C8orf88: variants seen among roughly 807,000 people sequenced by gnomAD.
C8orf88 encodes the protein uncharacterized protein C8orf88.
In C8orf88, 14 loss-of-function variants were observed where a neutral mutation model predicts 18.4. The observed-to-expected ratio is 0.76, with a 90% CI of 0.50 to 1.19. C8orf88 has a LOEUF of 1.19. Among genes scored for constraint, C8orf88 ranks in the 50% most tolerant of loss-of-function variants. C8orf88 has a pLI of 0.00. For synonymous variants in C8orf88, 45 were observed against 42.9 expected (o/e 1.05, Z -0.19); for missense variants, 116 against 134.7 (o/e 0.86, Z 0.69).
At chr8:90,959,114 C>T (rs893247429) in intron 5 of C8orf88, 84 bp from the exon 6 acceptor site, 26 of 612,176 alleles carry the variant, frequency 4.2e-5, no homozygotes, top group Non-Finnish European at 6.9e-5. Flanking sequence ...ATACTGTGAA[C>T]GTACCAGGTG....
At chr8:90,967,604 G>A (rs1234117669) in intron 4 of C8orf88, among the ~76,000 whole-genome samples, 1 of 151,560 alleles carries the variant, frequency 6.6e-6, no homozygotes, top group Admixed American at 6.6e-5. Flanking sequence ...CTTGCTATAG[G>A]TTTGTTCAGA....
intron 1 of C8orf88, among the ~76,000 whole-genome samples, chr8:90,982,964 G>T (rs1811454867): frequency 6.6e-6 from 1 of 152,050 alleles, no homozygotes; most frequent in Non-Finnish European, 1.5e-5. Context: ...CTAATTCTCA[G>T]TTTAGTTAAA....
Position 90,960,863 on chromosome 8 carries a change from C to A in C8orf88, c.224-15G>T, listed in dbSNP as rs780029790. On this transcript the variant is annotated splice_polypyrimidine_tract_variant and intron_variant, in intron 4 of 5. Coordinates refer to ENST00000517562, the MANE Select transcript of C8orf88 (RefSeq NM_001190972.2). ...TTTAATTCTCTCTGTAGATATTAAA[C>A]ATCAAATATAATGTTAGGAAATGTA... is the stretch of plus-strand genomic sequence containing the variant. The A allele has an allele frequency of 8.3e-5, 118 of 1,415,060 alleles. No homozygotes were observed. The highest frequency in any genetic ancestry group is 1.1e-4 in the Non-Finnish European group (115 of 1,038,618). 87.7% of individuals were successfully genotyped at this position (1,415,060 alleles called of 1,614,324 possible).
At chr8:90,959,977 C>A (rs896572121) in intron 5 of C8orf88, among the ~76,000 whole-genome samples, 1 of 151,438 alleles carries the variant, frequency 6.6e-6, no homozygotes, top group African/African-American at 2.4e-5. Flanking sequence ...TTAATCCTAA[C>A]AGCCAGAGAT....
chr8:90,969,977 A>G (rs1811260635), intron 4 of C8orf88, among the ~76,000 whole-genome samples: 1 of 151,982 alleles, frequency 6.6e-6, no homozygotes, highest in South Asian at 2.1e-4. Context: ...AAGAACTGAT[A>G]TACTTGAGCA....
Position 90,968,582 on chromosome 8 carries a change from G to A in C8orf88, c.223+2484C>T, listed in dbSNP as rs574278378. 3.5e-4 allele frequency among the ~76,000 whole-genome samples: 51 copies of A among 144,104 alleles called. 1 individual carries two copies. The highest frequency in any genetic ancestry group is 2.6e-3 in the Admixed American group (37 of 14,168). 94.5% of individuals were successfully genotyped at this position (144,104 alleles called of 152,430 possible). A position where few individuals can be genotyped will look rare whatever the true frequency, so the allele number is the denominator to read the frequency against. On this transcript the variant is annotated intron_variant, in intron 4 of 5. Coordinates refer to ENST00000517562, the MANE Select transcript of C8orf88 (RefSeq NM_001190972.2). ...AAAGGAAAAATAGTTAAAATTCATC[G>A]AAGCTAAAAAATTTGTGCATTAAGA...
intron 2 of C8orf88, among the ~76,000 whole-genome samples, chr8:90,979,848 T>C (rs1190861424): frequency 6.6e-6 from 1 of 152,224 alleles, no homozygotes; most frequent in African/African-American, 2.4e-5. Context: ...CATTTTAGAA[T>C]GTTTAAAATA....
intron 1 of C8orf88, among the ~76,000 whole-genome samples, chr8:90,981,659 G>T (rs1330971239): frequency 6.6e-6 from 1 of 151,724 alleles, no homozygotes; most frequent in African/African-American, 2.4e-5. Context: ...CTACTTATTG[G>T]ACTATCAGTT....
chr8:90,972,244 C>A (rs1210143037), intron 3 of C8orf88, among the ~76,000 whole-genome samples: 1 of 151,826 alleles, frequency 6.6e-6, no homozygotes, highest in Non-Finnish European at 1.5e-5. Flanking sequence ...TAATTCTACA[C>A]TATTGAAACA....
Position 90,959,034 on chromosome 8 carries a change from T to C in C8orf88, c.331-4A>G. On this transcript the variant is annotated splice_region_variant and splice_polypyrimidine_tract_variant and intron_variant, in intron 5 of 5. Transcript: ENST00000517562. ...ACTTAAAACTTTGGTTGTTTTCCTG[T>C]AATATAAAAGAAAAAGTTAATTTAT... The C allele has an allele frequency of 7.5e-7, 1 of 1,334,658 alleles. No individual in the cohort carries two copies. Among genetic ancestry groups the C allele is most frequent in the South Asian group, 1.4e-5 (1 of 72,342 alleles). The allele number at this position is 1,334,658 out of a possible 1,614,324, so 82.7% of individuals were successfully genotyped here.
chr8:90,965,207 C>T (rs117148963), intron 4 of C8orf88, among the ~76,000 whole-genome samples: 2 of 151,332 alleles, frequency 1.3e-5, no homozygotes, highest in East Asian at 3.9e-4. Context: ...CAAGCAGTAA[C>T]CAAAAGAGAG....
intron 3 of C8orf88, among the ~76,000 whole-genome samples, chr8:90,976,553 C>G (rs1179907813): frequency 6.6e-6 from 1 of 151,914 alleles, no homozygotes; most frequent in African/African-American, 2.4e-5. Flanking sequence ...ATTTCTATGA[C>G]TTATAGAAAA....
intron 4 of C8orf88, among the ~76,000 whole-genome samples, chr8:90,970,150 C>T (rs1421900480): frequency 6.6e-6 from 1 of 151,914 alleles, no homozygotes; most frequent in African/African-American, 2.4e-5. Flanking sequence ...ATATTTTACA[C>T]AGTCATAGTA....
chr8:90,977,272 C>G (rs1252605789), intron 3 of C8orf88, among the ~76,000 whole-genome samples: 2 of 152,154 alleles, frequency 1.3e-5, no homozygotes, highest in East Asian at 3.8e-4. Context: ...ATGTTCAAGT[C>G]TGACAATAGT....
intron 1 of C8orf88, 78 bp from the exon 2 acceptor site, chr8:90,980,539 C>A: frequency 1.8e-6 from 1 of 564,530 alleles, no homozygotes; most frequent in South Asian, 3.0e-5. Context: ...ATAACTACAT[C>A]TTTTTTTAAG....
intron 1 of C8orf88, among the ~76,000 whole-genome samples, chr8:90,982,816 C>A (rs1811452978): frequency 6.6e-6 from 1 of 151,802 alleles, no homozygotes; most frequent in African/African-American, 2.4e-5. Flanking sequence ...TTATAGGGGA[C>A]AAGTTTGGGA....
intron 2 of C8orf88, 51 bp from the exon 3 acceptor site, chr8:90,978,703 A>G (rs1163704307): frequency 3.7e-6 from 4 of 1,071,518 alleles, no homozygotes; most frequent in East Asian, 2.6e-5. Flanking sequence ...TTCAATAAAT[A>G]ATATAATCAA....
chr8:90,982,185 C>T (rs779757172), intron 1 of C8orf88, among the ~76,000 whole-genome samples: 1 of 151,918 alleles, frequency 6.6e-6, no homozygotes, highest in Non-Finnish European at 1.5e-5. Flanking sequence ...AAAACTAATG[C>T]TCTCTGTACT....
intron 4 of C8orf88, among the ~76,000 whole-genome samples, chr8:90,967,722 T>G (rs1283324569): frequency 3.3e-5 from 5 of 151,794 alleles, no homozygotes; most frequent in Non-Finnish European, 5.9e-5. Context: ...GTTCATAATA[T>G]TCTCATAATG....
Sources: gnomAD v4.1 joint callset for allele counts (sites outside exome capture counted in the v4.1 genomes callset) on GRCh38, gnomAD v4.1.1 for gene constraint, MANE v1.5 for transcripts, NCBI Gene and HGNC (gene_info 2026-07-23, HGNC 2026-07-21) for gene names.